Variants in CRADD observed in about 807,000 individuals in gnomAD.
The protein encoded by CRADD is CARD and death domain containing adaptor protein.
A neutral mutation model predicts 15.5 loss-of-function variants in CRADD; 9 were observed. The ratio of observed to expected loss-of-function variants is 0.58; its 90% CI spans 0.35 to 1.01. The LOEUF (loss-of-function observed/expected upper bound fraction) is 1.01, where lower values mean the gene tolerates loss of function less well. CRADD is among the 50% of genes least tolerant of loss of function. The probability of loss-of-function intolerance (pLI) is 0.02; values close to 1 mark genes in which losing one functional copy is unlikely to be tolerated. For synonymous variants in CRADD, 118 were observed against 107.6 expected (o/e 1.10, Z -0.60); for missense variants, 227 against 250.3 (o/e 0.91, Z 0.63).
At chr12:93,826,012 T>C (rs917686754) in intron 2 of CRADD, among the ~76,000 whole-genome samples, 1 of 152,242 alleles carries the variant, frequency 6.6e-6, no homozygotes, top group Non-Finnish European at 1.5e-5. Context: ...ATAAAGTACA[T>C]GAATGGCAGG....
intron 2 of CRADD, among the ~76,000 whole-genome samples, chr12:93,694,593 T>G (rs1165714062): frequency 2.0e-5 from 3 of 152,286 alleles, no homozygotes; most frequent in East Asian, 3.9e-4. Flanking sequence ...ACCAAAAAAC[T>G]ATTAGAACTA....
intron 2 of CRADD, among the ~76,000 whole-genome samples, chr12:93,734,829 G>T (rs763191704): frequency 6.6e-6 from 1 of 151,884 alleles, no homozygotes; most frequent in African/African-American, 2.4e-5. Context: ...CTCCTTGTCC[G>T]TCTTCCCCCT....
At chr12:93,716,630 G>A (rs889175597) in intron 2 of CRADD, among the ~76,000 whole-genome samples, 5 of 152,164 alleles carry the variant, frequency 3.3e-5, no homozygotes, top group African/African-American at 1.2e-4. Flanking sequence ...ATCATGTAGT[G>A]TGTGGCCTTT....
intron 2 of CRADD, chr12:93,859,369 T>C (rs1958301409): frequency 4.4e-6 from 2 of 455,958 alleles, no homozygotes; most frequent in African/African-American, 2.0e-5. Flanking sequence ...ACCAATTTTC[T>C]ACCCCATCCC....
At chr12:93,781,825 A>G (rs928308208) in intron 2 of CRADD, among the ~76,000 whole-genome samples, 7 of 152,252 alleles carry the variant, frequency 4.6e-5, no homozygotes, top group African/African-American at 1.7e-4. Flanking sequence ...AGTTCTACAA[A>G]ACAAATGACC....
intron 2 of CRADD, among the ~76,000 whole-genome samples, chr12:93,846,944 C>CA (rs35066223): frequency 8.7e-4 from 131 of 151,344 alleles, no homozygotes; most frequent in African/African-American, 3.0e-3. Flanking sequence ...ACTAAAAATA[C>CA]AAAAAAAAAT....
chr12:93,701,959 T>C (rs942635397), intron 2 of CRADD, among the ~76,000 whole-genome samples: 1 of 148,366 alleles, frequency 6.7e-6, no homozygotes, highest in African/African-American at 2.5e-5. Flanking sequence ...TCATCTGGGA[T>C]TTTTTTTTTT....
At chr12:93,678,106 A>T (rs919821157) in intron 1 of CRADD, 7 of 152,372 alleles carry the variant, frequency 4.6e-5, no homozygotes, top group Admixed American at 6.5e-5. Context: ...TGTGCTGGAG[A>T]TTCGGAATTC....
chr12:93,825,261 G>T (rs944653297), intron 2 of CRADD, among the ~76,000 whole-genome samples: 1 of 152,200 alleles, frequency 6.6e-6, no homozygotes, highest in African/African-American at 2.4e-5. Flanking sequence ...TCTAACCAGA[G>T]ACTTAGCAAG....
At chr12:93,741,689 G>A (rs115523367) in intron 2 of CRADD, among the ~76,000 whole-genome samples, 1 of 152,116 alleles carries the variant, frequency 6.6e-6, no homozygotes, top group Non-Finnish European at 1.5e-5. Context: ...GATAGGGGTC[G>A]GTGGAGGTTA....
intron 2 of CRADD, among the ~76,000 whole-genome samples, chr12:93,749,495 A>G (rs990518339): frequency 6.6e-6 from 1 of 152,234 alleles, no homozygotes; most frequent in Non-Finnish European, 1.5e-5. Context: ...ATGTCATGCT[A>G]TATTAAAAAC....
intron 2 of CRADD, among the ~76,000 whole-genome samples, chr12:93,695,606 C>A (rs1057015608): frequency 2.6e-5 from 4 of 152,076 alleles, no homozygotes; most frequent in Admixed American, 1.3e-4. Context: ...GAAAACAACC[C>A]AATTAAAAAA....
At position 93,842,769 on chromosome 12, in the gene CRADD, C is replaced by T. The variant is rs114134664; in HGVS notation, c.299-7201C>T. The stretch of plus-strand genomic sequence containing the variant: ...GTTGTTTTCATTCACGTAGTGACCA[C>T]AGAAATGAGGGATGGAGGGGCGAGA... On this transcript the variant is annotated intron_variant, in intron 2 of 2. Transcript: ENST00000332896. Among the ~76,000 whole-genome samples, 672 of 125,986 alleles carry T rather than the reference C, an allele frequency of 5.3e-3. 3 individuals are homozygous for T. The highest frequency in any genetic ancestry group is 0.019 in the African/African-American group (601 of 31,996). 82.7% of individuals were successfully genotyped at this position (125,986 alleles called of 152,430 possible).
chr12:93,716,147 GA>G (rs1451368861), intron 2 of CRADD, among the ~76,000 whole-genome samples: 1 of 150,854 alleles, frequency 6.6e-6, no homozygotes, highest in Non-Finnish European at 1.5e-5. Context: ...AAAAAAAAAG[GA>G]AAAAAATTAC....
chr12:93,748,831 T>C (rs1398602778), intron 2 of CRADD, among the ~76,000 whole-genome samples: 1 of 152,218 alleles, frequency 6.6e-6, no homozygotes, highest in African/African-American at 2.4e-5. Flanking sequence ...CAGGTATCTT[T>C]GGGGCTTACC....
At chr12:93,868,458 T>C (rs1958389643) in intron 2 of CRADD, among the ~76,000 whole-genome samples, 1 of 152,190 alleles carries the variant, frequency 6.6e-6, no homozygotes, top group Non-Finnish European at 1.5e-5. Context: ...GAACACCATA[T>C]ATCAGGCAAA....
chr12:93,683,663 C>T (rs1377319381), intron 2 of CRADD, among the ~76,000 whole-genome samples: 4 of 152,204 alleles, frequency 2.6e-5, no homozygotes, highest in Admixed American at 6.5e-5. Flanking sequence ...CCCCTTGTGG[C>T]GCCAGCCTTG....
downstream of CRADD, among the ~76,000 whole-genome samples, chr12:93,852,047 G>A (rs951850358): frequency 6.6e-6 from 1 of 152,184 alleles, no homozygotes; most frequent in Non-Finnish European, 1.5e-5. Context: ...TCATTTTGTA[G>A]CCCAGCCAAT....
chr12:93,698,713 G>A (rs1365239334), intron 2 of CRADD, among the ~76,000 whole-genome samples: 1 of 152,074 alleles, frequency 6.6e-6, no homozygotes, highest in African/African-American at 2.4e-5. Context: ...GCTTCTGCCA[G>A]TGTCATTTTA....
Sources: allele counts gnomAD v4.1 joint callset (sites outside exome capture counted in the v4.1 genomes callset), GRCh38; gene constraint gnomAD v4.1.1; transcripts MANE v1.5; gene names NCBI Gene and HGNC (gene_info 2026-07-23, HGNC 2026-07-21).